RERE: variants seen among roughly 807,000 people sequenced by gnomAD.
RERE encodes arginine-glutamic acid dipeptide repeats protein.
A neutral mutation model predicts 146.1 loss-of-function variants in RERE; 40 were observed. The observed-to-expected ratio is 0.27, with a 90% confidence interval of 0.21 to 0.36. RERE has a LOEUF of 0.36. Ranked by LOEUF, RERE falls within the 10% of genes least tolerant of loss-of-function variation. RERE has a pLI of 1.00. For missense variants in RERE, 1,933 were observed against 2,138.7 expected, an observed-to-expected ratio of 0.90 and a Z score of 1.90; for synonymous variants, 1,003 against 866.0, an observed-to-expected ratio of 1.16 and a Z score of -2.78.
Position 8,560,038 on chromosome 1 carries a change from C to A in RERE, c.523-2515G>T, listed in dbSNP as rs146725836. On this transcript the variant is annotated intron_variant, in intron 4 of 22. Coordinates refer to ENST00000400908, the MANE Select transcript of RERE (RefSeq NM_001042681.2). ...TCTCCAAGAAAACTTAGTTTCTTCC[C>A]TCGGCAGGATAATAAAAAGCAGGAC... Among the ~76,000 whole-genome samples the A allele has an allele frequency of 2.0e-3, 300 of 152,222 alleles. 1 individual carries two copies. The highest frequency in any genetic ancestry group is 7.0e-3 in the African/African-American group (291 of 41,524).
At chr1:8,473,392 A>G (rs1279781479) in intron 10 of RERE, among the ~76,000 whole-genome samples, 2 of 152,220 alleles carry the variant, frequency 1.3e-5, no homozygotes, top group African/African-American at 4.8e-5. Flanking sequence ...GGAGGGATAC[A>G]GTGGTGTGCA....
At chr1:8,585,131 A>G (rs1646411274) in intron 4 of RERE, among the ~76,000 whole-genome samples, 2 of 139,634 alleles carry the variant, frequency 1.4e-5, no homozygotes, top group Non-Finnish European at 3.1e-5. Flanking sequence ...TGGGCAACGG[A>G]GCAAGACTCC....
intron 3 of RERE, among the ~76,000 whole-genome samples, chr1:8,619,252 G>A (rs913173116): frequency 1.1e-4 from 16 of 152,072 alleles, no homozygotes; most frequent in Admixed American, 4.6e-4. Context: ...ACAATATGTC[G>A]AGCCCAGCTA....
At chr1:8,601,876 G>A (rs1189580239) in intron 4 of RERE, among the ~76,000 whole-genome samples, 4 of 151,600 alleles carry the variant, frequency 2.6e-5, no homozygotes, top group South Asian at 2.1e-4. Flanking sequence ...ACTATCCATC[G>A]TTAACAAGGC....
At chr1:8,480,619 A>C (rs939337690) in intron 10 of RERE, among the ~76,000 whole-genome samples, 3 of 151,620 alleles carry the variant, frequency 2.0e-5, no homozygotes, top group Admixed American at 6.6e-5. Context: ...TATTTTTAGT[A>C]GAGACGGGGT....
chr1:8,385,507 C>CATT (rs1468199591), intron 12 of RERE, among the ~76,000 whole-genome samples: 3 of 152,134 alleles, frequency 2.0e-5, no homozygotes, highest in Non-Finnish European at 4.4e-5. Flanking sequence ...TCCTGCCTTA[C>CATT]ATTAACACAA....
At chr1:8,522,792 G>A (rs1645518789) in intron 7 of RERE, among the ~76,000 whole-genome samples, 1 of 151,736 alleles carries the variant, frequency 6.6e-6, no homozygotes, top group Non-Finnish European at 1.5e-5. Context: ...CAAATCGCTT[G>A]AACCCAGGAG....
At chr1:8,727,710 T>C (rs2124482476) in intron 1 of RERE, among the ~76,000 whole-genome samples, 2 of 152,214 alleles carry the variant, frequency 1.3e-5, no homozygotes, top group Middle Eastern at 6.8e-3. Flanking sequence ...GCCAGGATGG[T>C]CTTGATCTCT....
chr1:8,487,029 T>C (rs2124202492), intron 10 of RERE, among the ~76,000 whole-genome samples: 1 of 152,238 alleles, frequency 6.6e-6, no homozygotes, highest in African/African-American at 2.4e-5. Flanking sequence ...TGATCACAAA[T>C]GTAAAATTCC....
chr1:8,523,512 C>T (rs1411460369), intron 7 of RERE, among the ~76,000 whole-genome samples: 1 of 152,182 alleles, frequency 6.6e-6, no homozygotes, highest in Non-Finnish European at 1.5e-5. Context: ...GCTACACAGA[C>T]CAAAGACTTC....
At chr1:8,782,346 C>T (rs1641181135) in intron 1 of RERE, among the ~76,000 whole-genome samples, 1 of 152,112 alleles carries the variant, frequency 6.6e-6, no homozygotes, top group South Asian at 2.1e-4. Flanking sequence ...TTGCTGATCT[C>T]TTATCAGCTT....
At chr1:8,380,839 G>C (rs1642421250) in intron 12 of RERE, 1 of 456,648 alleles carries the variant, frequency 2.2e-6, no homozygotes, top group African/African-American at 2.0e-5. Flanking sequence ...GCAGAGAGGG[G>C]CGTTCCAGAG....
At chr1:8,366,098 G>T in intron 12 of RERE, 124 bp from the exon 13 acceptor site, 1 of 1,017,128 alleles carries the variant, frequency 9.8e-7, no homozygotes, top group Non-Finnish European at 1.4e-6. Flanking sequence ...ATAAAGACCA[G>T]TCGCTCCTGG....
At chr1:8,792,011 T>C (rs1179441150) in intron 1 of RERE, among the ~76,000 whole-genome samples, 3 of 152,044 alleles carry the variant, frequency 2.0e-5, no homozygotes, top group Non-Finnish European at 2.9e-5. Flanking sequence ...GAGGATCGCT[T>C]GAGCCCAGGA....
rs1236502314 is a variant in RERE at position 8,362,854 on chromosome 1, C to A, written c.1741-10G>T. On this transcript the variant is annotated splice_polypyrimidine_tract_variant and intron_variant, in intron 15 of 22. Coordinates refer to ENST00000400908, the MANE Select transcript of RERE (RefSeq NM_001042681.2). ...TGCGTAGTGTCGACATCTGCCCACC[C>A]AAACCGAAGACTGGTGACACCAGAT... 1 of 1,604,556 alleles carries A rather than the reference C, an allele frequency of 6.2e-7. No individual in the cohort carries two copies. Among genetic ancestry groups the A allele is most frequent in the African/African-American group, 1.3e-5 (1 of 74,986 alleles).
chr1:8,532,016 C>T (rs1411618522), intron 7 of RERE, among the ~76,000 whole-genome samples: 1 of 152,082 alleles, frequency 6.6e-6, no homozygotes, highest in East Asian at 1.9e-4. Context: ...CATTGTATGC[C>T]TGTATCAAAA....
chr1:8,469,220 T>A (rs1297263898), intron 10 of RERE, among the ~76,000 whole-genome samples: 2 of 152,178 alleles, frequency 1.3e-5, no homozygotes, highest in Non-Finnish European at 2.9e-5. Flanking sequence ...AAACAAAAAA[T>A]TTTGTTAAGC....
At chr1:8,417,550 T>C (rs889047202) in intron 12 of RERE, among the ~76,000 whole-genome samples, 2 of 152,208 alleles carry the variant, frequency 1.3e-5, no homozygotes, top group Admixed American at 6.5e-5. Flanking sequence ...AAAATGAAGA[T>C]AGAAGGCAGG....
intron 6 of RERE, among the ~76,000 whole-genome samples, chr1:8,543,058 GAAC>G (rs1272412482): frequency 6.6e-6 from 1 of 152,116 alleles, no homozygotes; most frequent in Non-Finnish European, 1.5e-5. Flanking sequence ...CTACCATAGT[GAAC>G]AACACAGATT....
Sources: allele counts gnomAD v4.1 joint callset (sites outside exome capture counted in the v4.1 genomes callset), GRCh38; gene constraint gnomAD v4.1.1; transcripts MANE v1.5; gene names NCBI Gene and HGNC (gene_info 2026-07-23, HGNC 2026-07-21).